The following NELL1 variants were observed in gnomAD, a reference collection of about 807,000 sequenced individuals.
NELL1 encodes the protein neural EGFL like 1, also known as protein kinase C-binding protein NELL1.
A neutral mutation model predicts 107.4 loss-of-function variants in NELL1; 76 were observed. The observed-to-expected ratio is 0.71, with a 90% CI of 0.59 to 0.86. The LOEUF (loss-of-function observed/expected upper bound fraction) is 0.86, where lower values mean the gene tolerates loss of function less well. NELL1 is among the 40% of genes least tolerant of loss of function. The pLI, the probability that NELL1 is intolerant of heterozygous loss-of-function variation, is 0.00. For synonymous variants in NELL1, 353 were observed against 341.2 expected (o/e 1.03, Z -0.38); for missense variants, 1,024 against 1,005.5 (o/e 1.02, Z -0.25).
At chr11:20,876,971 A>T (rs1317044888) in intron 4 of NELL1, among the ~76,000 whole-genome samples, 1 of 152,150 alleles carries the variant, frequency 6.6e-6, no homozygotes. Flanking sequence ...GGGCTCAAGA[A>T]AGTTACAATT....
chr11:20,875,983 T>G (rs1188255063), intron 4 of NELL1, among the ~76,000 whole-genome samples: 1 of 152,210 alleles, frequency 6.6e-6, no homozygotes, highest in Non-Finnish European at 1.5e-5. Flanking sequence ...GTGAAGGGTG[T>G]TGACACCCTG....
At chr11:21,156,961 A>T (rs1856252380) in intron 13 of NELL1, among the ~76,000 whole-genome samples, 1 of 150,706 alleles carries the variant, frequency 6.6e-6, no homozygotes, top group Non-Finnish European at 1.5e-5. Flanking sequence ...AATTAGCCAG[A>T]TGTGGTGGCA....
At chr11:21,413,485 C>T (rs1237906327) in intron 15 of NELL1, among the ~76,000 whole-genome samples, 1 of 152,040 alleles carries the variant, frequency 6.6e-6, no homozygotes, top group Non-Finnish European at 1.5e-5. Context: ...TTAAAGAAAT[C>T]TCTAATCAAA....
At chr11:20,890,581 T>C (rs1254158916) in intron 5 of NELL1, among the ~76,000 whole-genome samples, 1 of 152,054 alleles carries the variant, frequency 6.6e-6, no homozygotes, top group Non-Finnish European at 1.5e-5. Context: ...AGGAGCATGT[T>C]CTAACCCAAT....
chr11:21,143,251 C>G (rs1235066979), intron 13 of NELL1, among the ~76,000 whole-genome samples: 1 of 152,114 alleles, frequency 6.6e-6, no homozygotes, highest in Non-Finnish European at 1.5e-5. Context: ...GCAGGATGAA[C>G]TTTTTATTAT....
chr11:21,282,478 C>CAAAAAAAAAAAAAAAAAAAAAAAAA (rs35632941), intron 14 of NELL1, among the ~76,000 whole-genome samples: 1 of 74,470 alleles, frequency 1.3e-5, no homozygotes. Context: ...GACTCTGTCT[C>CAAAAAAAAAAAAAAAAAAAAAAAAA]AAAAAAAAAA....
intron 5 of NELL1, among the ~76,000 whole-genome samples, chr11:20,893,203 A>G (rs1211595567): frequency 6.6e-6 from 1 of 152,000 alleles, no homozygotes; most frequent in Non-Finnish European, 1.5e-5. Flanking sequence ...GTGGGAGTTT[A>G]ACATTAAGAA....
chr11:21,065,907 T>C (rs769955115), intron 12 of NELL1, among the ~76,000 whole-genome samples: 3 of 152,234 alleles, frequency 2.0e-5, no homozygotes, highest in African/African-American at 4.8e-5. Flanking sequence ...ATGGACTTGC[T>C]AGGACCATTT....
At chr11:21,386,245 C>A (rs1851743262) in intron 15 of NELL1, among the ~76,000 whole-genome samples, 1 of 151,550 alleles carries the variant, frequency 6.6e-6, no homozygotes, top group Non-Finnish European at 1.5e-5. Context: ...AGAGTGTCTC[C>A]AAACTGAAAC....
chr11:20,853,785 TC>T, intron 4 of NELL1, among the ~76,000 whole-genome samples: 1 of 152,200 alleles, frequency 6.6e-6, no homozygotes. Context: ...ACTTTCCAGA[TC>T]CTAAGCAAGG....
intron 2 of NELL1, among the ~76,000 whole-genome samples, chr11:20,775,163 A>C (rs1239949367): frequency 6.6e-6 from 1 of 152,162 alleles, no homozygotes; most frequent in South Asian, 2.1e-4. Flanking sequence ...AGACATGTGG[A>C]AAGAGGAAAA....
At chr11:21,501,022 G>A (rs915918265) in intron 15 of NELL1, among the ~76,000 whole-genome samples, 4 of 152,158 alleles carry the variant, frequency 2.6e-5, no homozygotes, top group East Asian at 3.9e-4. Context: ...TCCTGATGGT[G>A]GTAGAGAGTG....
chr11:20,915,717 A>ATATATATAT lies in NELL1; in HGVS notation c.604-2464_604-2463insATATATATT. 5.2e-4 allele frequency among the ~76,000 whole-genome samples: 30 copies of ATATATATAT among 58,220 alleles called. 1 individual carries two copies. The highest frequency in any genetic ancestry group is 0.01 in the Middle Eastern group (1 of 100). 38.2% of individuals were successfully genotyped at this position (58,220 alleles called of 152,430 possible). On this transcript the variant is annotated intron_variant, in intron 5 of 19. Transcript: ENST00000357134. The stretch of plus-strand genomic sequence containing the variant: ...TCATAGATGATATATATATATATAT[A>ATATATATAT]TTTTTTTTTTTTTTTTTTGAGAGGA...
At chr11:21,446,857 G>T (rs1376835220) in intron 15 of NELL1, among the ~76,000 whole-genome samples, 1 of 152,204 alleles carries the variant, frequency 6.6e-6, no homozygotes, top group Non-Finnish European at 1.5e-5. Context: ...TTCCTTTCAG[G>T]GTGATGAGTT....
chr11:20,844,806 G>C (rs934723165), intron 3 of NELL1, among the ~76,000 whole-genome samples: 9 of 152,152 alleles, frequency 5.9e-5, no homozygotes, highest in African/African-American at 2.2e-4. Flanking sequence ...GTAGACCTTG[G>C]GGTTATCCCA....
At chr11:21,549,381 T>G (rs1856521645) in intron 16 of NELL1, among the ~76,000 whole-genome samples, 1 of 152,034 alleles carries the variant, frequency 6.6e-6, no homozygotes, top group South Asian at 2.1e-4. Flanking sequence ...CATAACTCAA[T>G]AAAAGTACCT....
intron 12 of NELL1, among the ~76,000 whole-genome samples, chr11:21,017,862 G>T (rs569902942): frequency 6.6e-6 from 1 of 152,060 alleles, no homozygotes; most frequent in African/African-American, 2.4e-5. Context: ...GTGGAAATCA[G>T]CTTGTTGGAA....
intron 12 of NELL1, among the ~76,000 whole-genome samples, chr11:21,101,487 C>T (rs1854811384): frequency 6.6e-6 from 1 of 152,172 alleles, no homozygotes; most frequent in Middle Eastern, 3.2e-3. Context: ...TCTCCACATC[C>T]TCTCCAGCAC....
intron 2 of NELL1, among the ~76,000 whole-genome samples, chr11:20,717,366 T>C (rs939076525): frequency 1.3e-5 from 2 of 152,200 alleles, no homozygotes; most frequent in African/African-American, 4.8e-5. Context: ...CACATTTTGG[T>C]TGCCTGAATA....
Sources: allele counts gnomAD v4.1 joint callset (sites outside exome capture counted in the v4.1 genomes callset), GRCh38; gene constraint gnomAD v4.1.1; transcripts MANE v1.5; gene names NCBI Gene and HGNC (gene_info 2026-07-23, HGNC 2026-07-21).